The following CSMD1 variants were observed in gnomAD, a reference collection of about 807,000 sequenced individuals.
CSMD1 encodes the protein CUB and Sushi multiple domains 1, also known as CUB and sushi domain-containing protein 1.
Under a neutral mutation model 417.5 loss-of-function variants are expected in CSMD1, and 213 were observed. That is an observed-to-expected ratio of 0.51 (90% CI 0.46 to 0.57). The LOEUF (loss-of-function observed/expected upper bound fraction) is 0.57. CSMD1 is among the 20% of genes least tolerant of loss of function. The probability of loss-of-function intolerance (pLI) is 0.00; values close to 1 mark genes in which losing one functional copy is unlikely to be tolerated. For synonymous variants in CSMD1, 2,862 were observed against 1,736.8 expected (o/e 1.65, Z -16.11); for missense variants, 6,923 against 4,529.7 (o/e 1.53, Z -15.17).
rs553990899 is a variant in CSMD1 at position 4,928,997 on chromosome 8, G to A, written c.85+65335C>T. On this transcript the variant is annotated intron_variant, in intron 1 of 69. Coordinates refer to ENST00000635120, the MANE Select transcript of CSMD1 (RefSeq NM_033225.6). ...GAAGCATAAGAGTCACTTGAACCCG[G>A]GCGGCAGAGGTTGCAGTGAGCCGAG... Among the ~76,000 whole-genome samples, 27 of 152,258 alleles carry A rather than the reference G, an allele frequency of 1.8e-4. 1 individual carries two copies. The highest frequency in any genetic ancestry group is 2.6e-4 in the Admixed American group (4 of 15,288).
At chr8:3,574,293 T>C (rs1800057072) in intron 10 of CSMD1, among the ~76,000 whole-genome samples, 1 of 152,180 alleles carries the variant, frequency 6.6e-6, no homozygotes, top group African/African-American at 2.4e-5. Context: ...CAGGCTGGAG[T>C]GCAGTGGCAC....
At chr8:3,113,955 T>C (rs1563057573) in intron 42 of CSMD1, among the ~76,000 whole-genome samples, 2 of 152,192 alleles carry the variant, frequency 1.3e-5, no homozygotes, top group Non-Finnish European at 2.9e-5. Flanking sequence ...TTATGGCTCA[T>C]AGCTGTAATT....
intron 3 of CSMD1, among the ~76,000 whole-genome samples, chr8:4,152,656 C>A (rs770363543): frequency 6.6e-6 from 1 of 151,856 alleles, no homozygotes; most frequent in Non-Finnish European, 1.5e-5. Context: ...TGCCAGCGCA[C>A]CGCAACCCAA....
chr8:3,289,220 C>G (rs983633425), intron 25 of CSMD1, among the ~76,000 whole-genome samples: 4 of 147,368 alleles, frequency 2.7e-5, no homozygotes, highest in Non-Finnish European at 4.4e-5. Flanking sequence ...TTAATCCAGT[C>G]TATCGTTGTT....
At chr8:4,110,135 T>A (rs529460850) in intron 3 of CSMD1, among the ~76,000 whole-genome samples, 37 of 152,230 alleles carry the variant, frequency 2.4e-4, no homozygotes, top group African/African-American at 8.9e-4. Context: ...TGTCTTAGAA[T>A]AATAAGGTTT....
At chr8:4,977,142 G>T (rs1810607211) in intron 1 of CSMD1, among the ~76,000 whole-genome samples, 1 of 152,106 alleles carries the variant, frequency 6.6e-6, no homozygotes, top group Admixed American at 6.6e-5. Flanking sequence ...TGTTCCTATA[G>T]TAATGATCAT....
rs1019300782 is a variant in CSMD1 at position 4,397,777 on chromosome 8, A to G, written c.415+22176T>C. 4.6e-5 allele frequency among the ~76,000 whole-genome samples: 7 copies of G among 152,238 alleles called. No homozygotes were observed. In the East Asian group the frequency reaches 5.8e-4, roughly 13 times the overall value. ...AAGACATGAAGGGAAAAACCTTAAT[A>G]CTGACATGTATCTCAATATTACATG... On this transcript the variant is annotated intron_variant, in intron 3 of 69. Coordinates refer to ENST00000635120, the MANE Select transcript of CSMD1 (RefSeq NM_033225.6).
At chr8:2,944,217 A>T (rs761983562) in intron 68 of CSMD1, among the ~76,000 whole-genome samples, 1 of 152,204 alleles carries the variant, frequency 6.6e-6, no homozygotes, top group African/African-American at 2.4e-5. Flanking sequence ...AGTGAAGCCA[A>T]TTGGGTGTTC....
At chr8:3,710,513 G>A (rs900479262) in intron 6 of CSMD1, among the ~76,000 whole-genome samples, 1 of 152,168 alleles carries the variant, frequency 6.6e-6, no homozygotes, top group South Asian at 2.1e-4. Context: ...GACATTCAGA[G>A]GGCTGGGCTT....
chr8:3,072,940 G>A (rs1813414390), intron 49 of CSMD1, among the ~76,000 whole-genome samples: 2 of 152,044 alleles, frequency 1.3e-5, no homozygotes, highest in South Asian at 4.1e-4. Flanking sequence ...ATTAAGAATA[G>A]ACAAAATTGG....
chr8:3,550,241 C>T (rs916637591), intron 10 of CSMD1, among the ~76,000 whole-genome samples: 1 of 152,086 alleles, frequency 6.6e-6, no homozygotes, highest in Admixed American at 6.5e-5. Flanking sequence ...AGAATACATC[C>T]TATGTCTCAC....
chr8:4,841,193 A>G (rs764446210), intron 1 of CSMD1, among the ~76,000 whole-genome samples: 2 of 152,252 alleles, frequency 1.3e-5, no homozygotes, highest in African/African-American at 2.4e-5. Flanking sequence ...AAAAGCAAAT[A>G]TTATACATTA....
intron 3 of CSMD1, among the ~76,000 whole-genome samples, chr8:4,114,853 C>T (rs184113460): frequency 6.6e-6 from 1 of 152,148 alleles, no homozygotes; most frequent in Non-Finnish European, 1.5e-5. Flanking sequence ...GACTGAATTG[C>T]TGCAATCTCA....
intron 3 of CSMD1, among the ~76,000 whole-genome samples, chr8:4,034,586 GAATGC>G (rs1356889326): frequency 1.3e-5 from 2 of 152,084 alleles, no homozygotes; most frequent in Non-Finnish European, 2.9e-5. Context: ...TTTTGACTCA[GAATGC>G]CTTGTCCATC....
intron 46 of CSMD1, among the ~76,000 whole-genome samples, chr8:3,104,389 C>A (rs558453147): frequency 7.9e-5 from 12 of 152,256 alleles, no homozygotes; most frequent in Admixed American, 7.8e-4. Context: ...AGTAAGGCAA[C>A]CTAGAGGCAC....
intron 3 of CSMD1, among the ~76,000 whole-genome samples, chr8:4,236,545 G>C (rs1181548604): frequency 1.3e-5 from 2 of 152,148 alleles, no homozygotes; most frequent in Non-Finnish European, 2.9e-5. Context: ...ATGTGACTTA[G>C]AAAAATTCAA....
At chr8:3,850,984 G>A (rs997116592) in intron 5 of CSMD1, among the ~76,000 whole-genome samples, 2 of 152,256 alleles carry the variant, frequency 1.3e-5, no homozygotes, top group South Asian at 2.1e-4. Context: ...AGTATAATAA[G>A]TGCTTCAGCT....
intron 7 of CSMD1, among the ~76,000 whole-genome samples, chr8:3,670,503 T>TATATATATCAC (rs780030376): frequency 7.1e-6 from 1 of 139,954 alleles, no homozygotes; most frequent in African/African-American, 2.6e-5. Flanking sequence ...ATATATCCCA[T>TATATATATCAC]ATATATATAT....
chr8:3,374,679 C>T (rs1289233210), intron 18 of CSMD1, among the ~76,000 whole-genome samples: 1 of 152,172 alleles, frequency 6.6e-6, no homozygotes, highest in Non-Finnish European at 1.5e-5. Flanking sequence ...AGATCAGAAG[C>T]AACCCTATGG....
Sources: allele counts gnomAD v4.1 joint callset (sites outside exome capture counted in the v4.1 genomes callset), GRCh38; gene constraint gnomAD v4.1.1; transcripts MANE v1.5; gene names NCBI Gene and HGNC (gene_info 2026-07-23, HGNC 2026-07-21).